The following XKR9 variants were observed in gnomAD, a reference collection of about 807,000 sequenced individuals.
The protein encoded by XKR9 is XK related 9.
Under a neutral mutation model 32.0 loss-of-function variants are expected in XKR9, and 32 were observed. That is an observed-to-expected ratio of 1.00 (90% CI 0.76 to 1.34). The LOEUF (loss-of-function observed/expected upper bound fraction) is 1.34. XKR9 is among the 40% of genes most tolerant of loss of function. The pLI is 0.00. For missense variants in XKR9, 546 were observed against 429.7 expected (o/e 1.27, Z -2.39); for synonymous variants, 168 against 143.4 (o/e 1.17, Z -1.22).
At chr8:70,865,427 A>G in the XKR9 span, among the ~76,000 whole-genome samples, 1 of 152,058 alleles carries the variant, frequency 6.6e-6, no homozygotes, top group Non-Finnish European at 1.5e-5. Flanking sequence ...GTAAGGCCAG[A>G]GCTTATAGTT....
At chr8:70,929,317 T>C in the XKR9 span, among the ~76,000 whole-genome samples, 39 of 152,234 alleles carry the variant, frequency 2.6e-4, 1 homozygote, top group African/African-American at 9.2e-4. Flanking sequence ...TAATTTAAAC[T>C]AAATACCTTA....
At chr8:70,982,414 T>C in the XKR9 span, among the ~76,000 whole-genome samples, 1 of 152,122 alleles carries the variant, frequency 6.6e-6, no homozygotes, top group African/African-American at 2.4e-5. Flanking sequence ...GTTATATTCC[T>C]AGGAGAATTA....
At chr8:70,746,622 C>T (rs79074264) in intron 2 of XKR9, among the ~76,000 whole-genome samples, 4 of 151,676 alleles carry the variant, frequency 2.6e-5, no homozygotes, top group Non-Finnish European at 5.9e-5. Flanking sequence ...TTCTTTTTGC[C>T]TAGACTGGTA....
At chr8:70,682,795 T>G (rs1819129258) in intron 3 of XKR9, among the ~76,000 whole-genome samples, 1 of 152,216 alleles carries the variant, frequency 6.6e-6, no homozygotes, top group East Asian at 1.9e-4. Context: ...TTTTAGCCTC[T>G]ATGGTGTAGT....
chr8:70,742,886 T>C (rs913881979), intron 2 of XKR9, among the ~76,000 whole-genome samples: 6 of 151,954 alleles, frequency 3.9e-5, no homozygotes, highest in African/African-American at 1.2e-4. Flanking sequence ...GTGTATAGTA[T>C]TTTTTTTCTA....
At chr8:70,692,610 CT>C (rs1805121482) in intron 3 of XKR9, among the ~76,000 whole-genome samples, 1 of 151,892 alleles carries the variant, frequency 6.6e-6, no homozygotes, top group East Asian at 1.9e-4. Context: ...CAGAGTTTTG[CT>C]CTTGTTGCCC....
In XKR9 at chr8:70,760,038, T is replaced by C. The variant is rs545057809; in HGVS notation, n.353-29301T>C. Among the ~76,000 whole-genome samples the C allele has an allele frequency of 1.8e-4, 28 of 152,348 alleles. 1 individual carries two copies. The highest frequency in any genetic ancestry group is 1.5e-3 in the Admixed American group (23 of 15,296). ...TATATTTTTGTTTTCAAATAATGTA[T>C]ATTTTAATATTCACATGTGAAGTTA... On this transcript the variant is annotated intron_variant and non_coding_transcript_variant, in intron 2 of 3. Coordinates refer to the XKR9 transcript ENST00000520273.
At chr8:70,729,506 A>G (rs901521136) in intron 4 of XKR9, among the ~76,000 whole-genome samples, 8 of 152,112 alleles carry the variant, frequency 5.3e-5, no homozygotes, top group Admixed American at 5.2e-4. Flanking sequence ...TTCTAATGTC[A>G]TAAATTCCAA....
At chr8:70,710,556 A>ACCCAG in intron 4 of XKR9, among the ~76,000 whole-genome samples, 1 of 152,026 alleles carries the variant, frequency 6.6e-6, no homozygotes, top group Non-Finnish European at 1.5e-5. Flanking sequence ...GAGAACAATT[A>ACCCAG]GCTGGGTGTG....
chr8:70,669,538 G>C lies in XKR9; in HGVS notation c.-361G>C, dbSNP rs1818623004. On this transcript the variant is annotated splice_region_variant and 5_prime_UTR_variant, in exon 1 of 5. Coordinates refer to ENST00000408926, the MANE Select transcript of XKR9 (RefSeq NM_001011720.2). ...GAAGAGTCTTGTGATTTGGGAGACA[G>C]GTTTGGTAACCGTTCGTTATTCAGT... is the stretch of plus-strand genomic sequence containing the variant. 1 of 215,962 alleles carries C rather than the reference G, an allele frequency of 4.6e-6. No homozygotes were observed. The highest frequency in any genetic ancestry group is 5.5e-5 in the Admixed American group (1 of 18,204). The allele number at this position is 215,962 out of a possible 1,614,324, so 13.4% of individuals were successfully genotyped here.
chr8:70,938,751 G>A, the XKR9 span, among the ~76,000 whole-genome samples: 2 of 152,038 alleles, frequency 1.3e-5, no homozygotes, highest in African/African-American at 4.8e-5. Flanking sequence ...GCAGCTGGTT[G>A]ATGGGTTCTT....
At position 70,733,840 on chromosome 8, in the gene XKR9, G is replaced by T; in HGVS notation, c.538G>T (p.Val180Phe). ...TTGCTGTGCTATTTCTTGGTCAACT[G>T]TTGATTATCAAGTAGCTTTAAGAAA... The part of the protein sequence containing the change: ...VSCCAISWST[V>F]DYQVALRKSL... The change falls in exon 5 of 5, where the codon GTT becomes TTT. Residue 180 changes from valine to phenylalanine, a missense_variant. Physicochemically the swap from Val to Phe is conservative, Grantham distance 50. Transcript: ENST00000408926. 6.2e-7 allele frequency: 1 copy of T among 1,600,926 alleles called. No individual in the cohort carries two copies. The highest frequency in any genetic ancestry group is 8.5e-7 in the Non-Finnish European group (1 of 1,176,394).
chr8:70,867,385 C>T, the XKR9 span, among the ~76,000 whole-genome samples: 3 of 152,174 alleles, frequency 2.0e-5, no homozygotes, highest in Non-Finnish European at 4.4e-5. Flanking sequence ...TGGCCCCTCC[C>T]AAATCTCATG....
At chr8:70,890,836 C>T in the XKR9 span, among the ~76,000 whole-genome samples, 7 of 151,974 alleles carry the variant, frequency 4.6e-5, no homozygotes, top group African/African-American at 1.7e-4. Flanking sequence ...AAATTGCCTC[C>T]TCTTCAATTT....
At position 70,772,512 on chromosome 8, in the gene XKR9, G is replaced by A. The variant is rs191258806; in HGVS notation, n.353-16827G>A. ...AATCCAATCTAGTTTAAAACACCAT[G>A]AAATGCCTTGGTTATTATATCTTTC... is the stretch of plus-strand genomic sequence containing the variant. On this transcript the variant is annotated intron_variant and non_coding_transcript_variant, in intron 2 of 3. Coordinates refer to the XKR9 transcript ENST00000520273. Among the ~76,000 whole-genome samples, 22 of 152,262 alleles carry A rather than the reference G, an allele frequency of 1.4e-4. No homozygotes were observed. The East Asian group carries it at 3.5e-3, about 24-fold the overall frequency.
At chr8:70,822,407 A>G in the XKR9 span, among the ~76,000 whole-genome samples, 1 of 151,944 alleles carries the variant, frequency 6.6e-6, no homozygotes, top group Admixed American at 6.6e-5. Context: ...AAACAGGAAT[A>G]TATGTGGTTG....
At chr8:70,739,464 T>G (rs1320334765), downstream of XKR9, among the ~76,000 whole-genome samples, 1 of 152,218 alleles carries the variant, frequency 6.6e-6, no homozygotes, top group East Asian at 1.9e-4. Flanking sequence ...TTAGTCCATT[T>G]ACATTTAAAG....
the XKR9 span, among the ~76,000 whole-genome samples, chr8:70,936,418 C>T: frequency 6.6e-6 from 1 of 151,882 alleles, no homozygotes; most frequent in Non-Finnish European, 1.5e-5. Flanking sequence ...TTCTCTGTAT[C>T]GTAATCATGT....
intron 4 of XKR9, among the ~76,000 whole-genome samples, chr8:70,724,189 A>G (rs1806380455): frequency 6.6e-6 from 1 of 152,092 alleles, no homozygotes; most frequent in African/African-American, 2.4e-5. Context: ...CTGTCAGGGG[A>G]AAGCCGCCTA....
Sources: allele counts gnomAD v4.1 joint callset (sites outside exome capture counted in the v4.1 genomes callset), GRCh38; gene constraint gnomAD v4.1.1; transcripts MANE v1.5; gene names NCBI Gene and HGNC (gene_info 2026-07-23, HGNC 2026-07-21).